Variants in CNTNAP5 observed in about 807,000 individuals in gnomAD.
The protein encoded by CNTNAP5 is contactin-associated protein-like 5.
CNTNAP5 carries 72 observed loss-of-function variants against 150.2 expected under a neutral mutation model. That is an observed-to-expected ratio of 0.48 (90% confidence interval 0.40 to 0.58). The LOEUF is 0.58. Among genes scored for constraint, CNTNAP5 ranks in the 20% least tolerant of loss-of-function variants. CNTNAP5 has a pLI of 0.00. For missense variants in CNTNAP5, 1,636 were observed against 1,626.2 expected (o/e 1.01, Z -0.10); for synonymous variants, 672 against 619.8 (o/e 1.08, Z -1.25).
intron 13 of CNTNAP5, among the ~76,000 whole-genome samples, chr2:124,652,648 C>G (rs774961118): frequency 1.3e-5 from 2 of 152,190 alleles, no homozygotes; most frequent in Non-Finnish European, 2.9e-5. Flanking sequence ...AGGGGTATAG[C>G]AAGTGACCGC....
At chr2:124,742,868 T>A (rs1252858342) in intron 13 of CNTNAP5, among the ~76,000 whole-genome samples, 1 of 152,114 alleles carries the variant, frequency 6.6e-6, no homozygotes, top group Non-Finnish European at 1.5e-5. Flanking sequence ...CCCAGTCCTC[T>A]TGTTTTCTTA....
chr2:124,662,952 G>T (rs1253311710), intron 13 of CNTNAP5, among the ~76,000 whole-genome samples: 1 of 152,210 alleles, frequency 6.6e-6, no homozygotes, highest in African/African-American at 2.4e-5. Flanking sequence ...AAGGAAAGCT[G>T]TTAACATTAG....
At chr2:124,378,501 T>G (rs902946159) in intron 3 of CNTNAP5, among the ~76,000 whole-genome samples, 1 of 152,128 alleles carries the variant, frequency 6.6e-6, no homozygotes, top group Admixed American at 6.5e-5. Flanking sequence ...TTTAAAACTT[T>G]CCTATTATCA....
intron 11 of CNTNAP5, among the ~76,000 whole-genome samples, chr2:124,569,305 A>C (rs114365653): frequency 1.7e-3 from 253 of 152,280 alleles, no homozygotes; most frequent in African/African-American, 5.9e-3. Context: ...TATTTTTACT[A>C]ACACAGTGGC....
chr2:124,285,490 A>G (rs1688126523), intron 3 of CNTNAP5, among the ~76,000 whole-genome samples: 1 of 152,096 alleles, frequency 6.6e-6, no homozygotes, highest in Non-Finnish European at 1.5e-5. Context: ...CTGTCTTTCT[A>G]CGTGCTCATA....
intron 2 of CNTNAP5, among the ~76,000 whole-genome samples, chr2:124,226,065 G>T (rs1686450350): frequency 6.6e-6 from 1 of 152,046 alleles, no homozygotes. Flanking sequence ...GACTAATGCT[G>T]CAATGAACAT....
At chr2:124,066,055 T>C (rs560015524) in intron 1 of CNTNAP5, among the ~76,000 whole-genome samples, 3 of 152,294 alleles carry the variant, frequency 2.0e-5, no homozygotes, top group South Asian at 4.1e-4. Flanking sequence ...AACTTCCCAC[T>C]GCAGTCTGCC....
intron 1 of CNTNAP5, among the ~76,000 whole-genome samples, chr2:124,109,386 G>A (rs1014764871): frequency 1.3e-5 from 2 of 152,110 alleles, no homozygotes; most frequent in Non-Finnish European, 2.9e-5. Flanking sequence ...GTTGGGGATG[G>A]TTACACATCC....
chr2:124,549,160 C>A (rs562678227), intron 10 of CNTNAP5, among the ~76,000 whole-genome samples: 6 of 152,322 alleles, frequency 3.9e-5, no homozygotes, highest in Admixed American at 3.9e-4. Flanking sequence ...AATCGATGAG[C>A]ATCCTGGGTA....
intron 11 of CNTNAP5, among the ~76,000 whole-genome samples, chr2:124,591,888 T>C (rs939615287): frequency 6.6e-5 from 10 of 152,174 alleles, no homozygotes; most frequent in African/African-American, 2.2e-4. Context: ...TCTCTATACA[T>C]AACCTTTATA....
chr2:124,391,670 G>A (rs1316186624), intron 3 of CNTNAP5, among the ~76,000 whole-genome samples: 1 of 152,200 alleles, frequency 6.6e-6, no homozygotes, highest in African/African-American at 2.4e-5. Flanking sequence ...AAAAAAGAAA[G>A]GGAGGCCGGG....
intron 13 of CNTNAP5, among the ~76,000 whole-genome samples, chr2:124,662,610 T>C (rs1678615828): frequency 6.6e-6 from 1 of 152,174 alleles, no homozygotes. Flanking sequence ...ACACAAAGGA[T>C]GGGATTCTAG....
At chr2:124,849,964 A>T (rs1174596794) in intron 19 of CNTNAP5, among the ~76,000 whole-genome samples, 1 of 152,230 alleles carries the variant, frequency 6.6e-6, no homozygotes, top group African/African-American at 2.4e-5. Context: ...GGCCACAGCC[A>T]AATTAGAGGG....
intron 3 of CNTNAP5, among the ~76,000 whole-genome samples, chr2:124,363,623 T>C (rs1326037962): frequency 1.3e-5 from 2 of 152,242 alleles, no homozygotes; most frequent in Non-Finnish European, 2.9e-5. Context: ...AGATCTGTTG[T>C]ACAGCATAGT....
At chr2:124,058,007 A>AAAATAAGTTAATAAGCAT (rs1681903639) in intron 1 of CNTNAP5, among the ~76,000 whole-genome samples, 1 of 152,148 alleles carries the variant, frequency 6.6e-6, no homozygotes, top group South Asian at 2.1e-4. Context: ...TAAAAATTAA[A>AAAATAAGTTAATAAGCAT]AAATAAGTTA....
At chr2:124,173,855 G>C (rs1684996540) in intron 1 of CNTNAP5, among the ~76,000 whole-genome samples, 2 of 152,198 alleles carry the variant, frequency 1.3e-5, no homozygotes, top group African/African-American at 4.8e-5. Context: ...GACTTTCATA[G>C]CTAGAGAGGA....
chr2:124,456,470 T>C (rs1046795827), intron 6 of CNTNAP5, among the ~76,000 whole-genome samples: 1 of 152,122 alleles, frequency 6.6e-6, no homozygotes, highest in Non-Finnish European at 1.5e-5. Flanking sequence ...GTAGAATCAA[T>C]ATTGTGAAAA....
chr2:124,904,587 A>C (rs1678488807), intron 22 of CNTNAP5, among the ~76,000 whole-genome samples: 1 of 152,166 alleles, frequency 6.6e-6, no homozygotes, highest in Admixed American at 6.6e-5. Context: ...TTATTTAATC[A>C]ACTAATCTTT....
At chr2:124,207,776 A>T (rs978972766) in intron 1 of CNTNAP5, among the ~76,000 whole-genome samples, 1 of 152,180 alleles carries the variant, frequency 6.6e-6, no homozygotes, top group African/African-American at 2.4e-5. Flanking sequence ...TGCTATTTTT[A>T]ATCTGTTCAT....
Sources: allele counts gnomAD v4.1 joint callset (sites outside exome capture counted in the v4.1 genomes callset), GRCh38; gene constraint gnomAD v4.1.1; transcripts MANE v1.5; gene names NCBI Gene and HGNC (gene_info 2026-07-23, HGNC 2026-07-21).